LRRC37A3: variants seen among roughly 807,000 people sequenced by gnomAD.
The protein encoded by LRRC37A3 is leucine rich repeat containing 37 member A3.
A neutral mutation model predicts 106.2 loss-of-function variants in LRRC37A3; 25 were observed. The observed-to-expected ratio is 0.24, with a 90% CI of 0.17 to 0.33. The LOEUF (loss-of-function observed/expected upper bound fraction) is 0.33, where lower values mean the gene tolerates loss of function less well. LRRC37A3 is among the 10% of genes least tolerant of loss of function. LRRC37A3 has a pLI of 1.00. For synonymous variants in LRRC37A3, 305 were observed against 635.8 expected, an observed-to-expected ratio of 0.48 and a Z score of 7.83; for missense variants, 712 against 1,644.9, an observed-to-expected ratio of 0.43 and a Z score of 9.81.
intron 4 of LRRC37A3, among the ~76,000 whole-genome samples, chr17:64,893,899 GC>G (rs1974043216): frequency 6.8e-6 from 1 of 146,238 alleles, no homozygotes; most frequent in Non-Finnish European, 1.5e-5. Flanking sequence ...TGATCCGCCC[GC>G]CTCGGCCTCC....
chr17:64,908,329 CCG>C (rs1192494477), intron 2 of LRRC37A3, among the ~76,000 whole-genome samples: 2 of 147,514 alleles, frequency 1.4e-5, no homozygotes, highest in African/African-American at 5.0e-5. Context: ...TTCTACAAGG[CCG>C]CTTAAAGAAT....
chr17:64,866,002 CAT>C (rs1973055709), intron 10 of LRRC37A3, among the ~76,000 whole-genome samples: 1 of 151,996 alleles, frequency 6.6e-6, no homozygotes, highest in Non-Finnish European at 1.5e-5. Context: ...GATCATTACA[CAT>C]GAGCCAAGAC....
intron 8 of LRRC37A3, among the ~76,000 whole-genome samples, chr17:64,884,341 G>A (rs1341331872): frequency 2.6e-5 from 4 of 151,262 alleles, no homozygotes; most frequent in Non-Finnish European, 2.9e-5. Flanking sequence ...AGATGATGAC[G>A]ATGATGATTA....
intron 10 of LRRC37A3, among the ~76,000 whole-genome samples, chr17:64,867,726 C>T (rs2143430851): frequency 6.6e-6 from 1 of 151,682 alleles, no homozygotes; most frequent in Non-Finnish European, 1.5e-5. Context: ...TATGGAGGGC[C>T]AGCTGTAGTG....
chr17:64,854,668 A>G (rs1350415143), intron 14 of LRRC37A3, 24 bp from the exon 15 acceptor site: 2 of 1,612,946 alleles, frequency 1.2e-6, no homozygotes, highest in East Asian at 4.5e-5. Flanking sequence ...AACAATGCCA[A>G]GGTTTTGATT....
At position 64,860,449 on chromosome 17, in the gene LRRC37A3, T is replaced by A; in HGVS notation, c.3697A>T (p.Thr1233Ser). 3 of 1,613,902 alleles carry A rather than the reference T, an allele frequency of 1.9e-6. No homozygotes were observed. Among genetic ancestry groups the A allele is most frequent in the Non-Finnish European group, 2.5e-6 (3 of 1,179,858 alleles). ...TGCTCTTGGGTGAACGAAGGCTTGG[T>A]GTAGACGGCGTTTCCCGCTAACTTC... is the stretch of plus-strand genomic sequence containing the variant. ...PEKLAGNAVY[T>S]KPSFTQEHKA... The change falls in exon 12 of 15, where the codon ACC becomes TCC. Residue 1233 changes from threonine (T) to serine (S), a missense_variant. Physicochemically the swap from Thr to Ser is moderately conservative, Grantham distance 58. Transcript: ENST00000584306.
chr17:64,860,938 A>G lies in LRRC37A3; in HGVS notation c.3208T>C (p.Phe1070Leu), dbSNP rs760012464. The G allele has an allele frequency of 1.9e-6, 3 of 1,613,980 alleles. No individual in the cohort carries two copies. The highest frequency in any genetic ancestry group is 2.2e-5 in the East Asian group (1 of 44,866). ...TTCCGGGCTTGTAACACCTTCATGA[A>G]CGCTCCTTCTGGATTCCCTACAGAT... is the stretch of plus-strand genomic sequence containing the variant. ...EASVGNPEGAFMKVLQARKNY... is the reference protein window; with the variant it reads ...EASVGNPEGALMKVLQARKNY... The change falls in exon 12 of 15, where the codon TTC becomes CTC. Residue 1070 changes from phenylalanine (F) to leucine (L), a missense_variant. Phe to Leu is a conservative substitution (Grantham distance 22, BLOSUM62 0). Transcript: ENST00000584306.
intron 10 of LRRC37A3, among the ~76,000 whole-genome samples, chr17:64,864,407 T>A (rs1972988834): frequency 6.6e-6 from 1 of 152,194 alleles, no homozygotes; most frequent in African/African-American, 2.4e-5. Context: ...AGACATGACA[T>A]GCAGTGCCTG....
At chr17:64,855,346 C>T (rs1306250892) in intron 14 of LRRC37A3, among the ~76,000 whole-genome samples, 1 of 150,884 alleles carries the variant, frequency 6.6e-6, no homozygotes, top group Admixed American at 6.6e-5. Flanking sequence ...ACCCGGTGGC[C>T]TTCCCTTCCC....
At chr17:64,864,978 T>A (rs1973009152) in intron 10 of LRRC37A3, among the ~76,000 whole-genome samples, 1 of 152,184 alleles carries the variant, frequency 6.6e-6, no homozygotes. Context: ...TAAAACTGCA[T>A]CCAATAAGTT....
chr17:64,910,802 C>A lies in LRRC37A3; in HGVS notation c.-496+7948G>T, dbSNP rs570009838. On this transcript the variant is annotated intron_variant, in intron 2 of 14. Coordinates refer to ENST00000584306, the MANE Select transcript of LRRC37A3 (RefSeq NM_199340.5). ...GATTACAGGAGCCCACCACCACACC[C>A]GGCTAATTTTTATATTTTTAGTAGA... Among the ~76,000 whole-genome samples the A allele has an allele frequency of 4.3e-3, 644 of 149,412 alleles. 2 individuals carry two copies. Among genetic ancestry groups the A allele is most frequent in the Non-Finnish European group, 7.3e-3 (494 of 67,470 alleles).
At chr17:64,875,068 C>T (rs955330045) in intron 8 of LRRC37A3, among the ~76,000 whole-genome samples, 3 of 151,562 alleles carry the variant, frequency 2.0e-5, no homozygotes, top group African/African-American at 4.9e-5. Context: ...TCCCCCTCTG[C>T]GAGAAACACC....
chr17:64,855,743 C>G (rs549788647), intron 14 of LRRC37A3, 97 bp downstream of exon 14: 1 of 1,575,020 alleles, frequency 6.3e-7, no homozygotes, highest in Non-Finnish European at 8.6e-7. Context: ...TGGAGGTTGC[C>G]GTGAGCCGAG....
intron 8 of LRRC37A3, among the ~76,000 whole-genome samples, chr17:64,875,890 A>G (rs1215859499): frequency 6.6e-6 from 1 of 152,214 alleles, no homozygotes; most frequent in Non-Finnish European, 1.5e-5. Flanking sequence ...TGTGACAATA[A>G]CAGTATAAAG....
intron 14 of LRRC37A3, 87 bp from the exon 15 acceptor site, chr17:64,854,731 G>C (rs1972616344): frequency 5.0e-6 from 8 of 1,611,936 alleles, no homozygotes; most frequent in Non-Finnish European, 6.8e-6. Context: ...GATGGGAACT[G>C]TGAGGGCCCC....
chr17:64,917,742 G>A (rs538336027), intron 2 of LRRC37A3, among the ~76,000 whole-genome samples: 7 of 152,168 alleles, frequency 4.6e-5, no homozygotes, highest in South Asian at 2.1e-4. Context: ...CGAGGCCGGC[G>A]GATTACCTGA....
intron 14 of LRRC37A3, among the ~76,000 whole-genome samples, chr17:64,854,898 T>G (rs1208879480): frequency 6.6e-6 from 1 of 152,302 alleles, no homozygotes; most frequent in South Asian, 2.1e-4. Flanking sequence ...AGTGCAATGG[T>G]GCTATCGTGG....
At chr17:64,879,196 T>C (rs1376370846) in intron 8 of LRRC37A3, among the ~76,000 whole-genome samples, 1 of 152,072 alleles carries the variant, frequency 6.6e-6, no homozygotes. Flanking sequence ...TGATGGCTAA[T>C]GGGTACCATG....
chr17:64,865,325 G>A (rs1302264062), intron 10 of LRRC37A3, among the ~76,000 whole-genome samples: 1 of 152,176 alleles, frequency 6.6e-6, no homozygotes. Flanking sequence ...TGTATATTTT[G>A]TAGAAATGGG....
Sources: allele counts gnomAD v4.1 joint callset (sites outside exome capture counted in the v4.1 genomes callset), GRCh38; gene constraint gnomAD v4.1.1; transcripts MANE v1.5; gene names NCBI Gene and HGNC (gene_info 2026-07-23, HGNC 2026-07-21).